The following H3-5 variants were observed in gnomAD, a reference collection of about 807,000 sequenced individuals.
The protein encoded by H3-5 is histone H3.3C.
A neutral mutation model predicts 8.8 loss-of-function variants in H3-5; 9 were observed. That is an observed-to-expected ratio of 1.03 (90% CI 0.62 to 1.79). H3-5 has a LOEUF of 1.79. Ranked by LOEUF, H3-5 falls within the 40% of genes most tolerant of loss-of-function variation. The probability of loss-of-function intolerance (pLI) is 0.00; values close to 1 mark genes in which losing one functional copy is unlikely to be tolerated. For synonymous variants in H3-5, 82 were observed against 76.1 expected, an observed-to-expected ratio of 1.08 and a Z score of -0.40; for missense variants, 173 against 183.8, an observed-to-expected ratio of 0.94 and a Z score of 0.34.
Position 31,791,710 on chromosome 12 carries a change from A to C in H3-5, c.*49T>G. 1 of 1,587,040 alleles carries C rather than the reference A, an allele frequency of 6.3e-7. No homozygotes were observed. On this transcript the variant is annotated 3_prime_UTR_variant, in exon 1 of 1. Coordinates refer to ENST00000340398, the MANE Select transcript of H3-5 (RefSeq NM_001013699.3). ...TACAAAAAAAGTCACCAATTAAACC[A>C]AAGTATTTTACAGAATTTACTACAA... is the stretch of plus-strand genomic sequence containing the variant.
At position 31,792,065 on chromosome 12, in the gene H3-5, G is replaced by A. The variant is rs7302165; in HGVS notation, c.102C>T (p.Cys34=). Residue 34 remains cysteine, a synonymous_variant, in exon 1 of 1, where the codon TGC becomes TGT. Transcript: ENST00000340398. ...GCCTGTAGCGATGAGGCTTCACCCCGCAGGTAGAGGGGGTGCTTTTCCTGG... is the reference window on the plus strand; with the variant it reads ...GCCTGTAGCGATGAGGCTTCACCCCACAGGTAGAGGGGGTGCTTTTCCTGG... ...KAARKSTPST[C]GVKPHRYRPG... is the part of the protein sequence containing the mutation. 4,601 of 1,614,128 alleles carry A rather than the reference G, an allele frequency of 2.9e-3. 126 individuals carry two copies. In the African/African-American group the frequency reaches 0.054, roughly 19 times the overall value.
rs1940970992 is a variant in H3-5 at position 31,791,306 on chromosome 12, A to G, written c.*453T>C. ...TAATTTTTTTTTTTTAAAGGAAACT[A>G]TAAGTTACACTGTGGTTAAGGTTTG... On this transcript the variant is annotated 3_prime_UTR_variant, in exon 1 of 1. Transcript: ENST00000340398. 1 of 158,158 alleles carries G rather than the reference A, an allele frequency of 6.3e-6. No homozygotes were observed. Among genetic ancestry groups the G allele is most frequent in the African/African-American group, 2.4e-5 (1 of 41,664 alleles). 9.8% of individuals were successfully genotyped at this position (158,158 alleles called of 1,614,324 possible).
chr12:31,791,598 T>C lies in H3-5; in HGVS notation c.*161A>G. 1.2e-6 allele frequency: 1 copy of C among 858,054 alleles called. No individual in the cohort carries two copies. Among genetic ancestry groups the C allele is most frequent in the Non-Finnish European group, 1.8e-6 (1 of 555,418 alleles). 53.2% of individuals were successfully genotyped at this position (858,054 alleles called of 1,614,324 possible). On this transcript the variant is annotated 3_prime_UTR_variant, in exon 1 of 1. Transcript: ENST00000340398. ...TCCTGAGCAACAGTGCTGACATCACTGAGGTCTGTAAACAGTCACTTTTCG... is the reference window on the plus strand; with the variant it reads ...TCCTGAGCAACAGTGCTGACATCACCGAGGTCTGTAAACAGTCACTTTTCG...
rs765067610 is a variant in H3-5 at position 31,792,012 on chromosome 12, C to G, written c.155G>C (p.Arg52Pro). 6.2e-7 allele frequency: 1 copy of G among 1,614,192 alleles called. No individual in the cohort carries two copies. The change falls in exon 1 of 1, where the codon CGT (arginine) becomes CCT (proline). Residue 52 changes from arginine to proline, a missense_variant. Transcript: ENST00000340398. Reference sequence around the variant, plus strand: ...CAGCTCGGTCGACTTCTGATAACGACGAATCTCTCGAAGCGCCACGGTCCC... The same window carrying G: ...CAGCTCGGTCGACTTCTGATAACGAGGAATCTCTCGAAGCGCCACGGTCCC... ...RPGTVALREI[R>P]RYQKSTELLI...
At position 31,792,230 on chromosome 12, in the gene H3-5, C is replaced by G; in HGVS notation, c.-64G>C. On this transcript the variant is annotated 5_prime_UTR_variant, in exon 1 of 1. Transcript: ENST00000340398. ...CGACCTCCGCGCTGCTTCCGCTGCC[C>G]GAGGAAGAGCCGCAGTCGCGAGCGA... 1.9e-6 allele frequency: 3 copies of G among 1,556,572 alleles called. No individual in the cohort carries two copies. In the South Asian group the frequency reaches 3.6e-5, roughly 19 times the overall value.
chr12:31,791,884 C>T lies in H3-5; in HGVS notation c.283G>A (p.Ala95Thr), dbSNP rs1940978509. The change falls in exon 1 of 1, where the codon GCT becomes ACT. Residue 95 changes from alanine to threonine, a missense_variant. Transcript: ENST00000340398. ...AGACCCACCAGGTACGCTTCGCTAG[C>T]CTCCTGCAGCGCACCGACGGCTGCG... is the stretch of plus-strand genomic sequence containing the variant. ...QSAAVGALQE[A>T]SEAYLVGLLE... The T allele has an allele frequency of 8.1e-6, 13 of 1,614,080 alleles. No individual in the cohort carries two copies. Among genetic ancestry groups the T allele is most frequent in the Admixed American group, 1.7e-5 (1 of 59,994 alleles).
At position 31,791,554 on chromosome 12, in the gene H3-5, C is replaced by T; in HGVS notation, c.*205G>A. Reference sequence around the variant, plus strand: ...CAAGAAATATCACGCATCCGTTTTGCATATTAACAACTTGTCACTCCTGAG... The same window carrying T: ...CAAGAAATATCACGCATCCGTTTTGTATATTAACAACTTGTCACTCCTGAG... On this transcript the variant is annotated 3_prime_UTR_variant, in exon 1 of 1. Coordinates refer to ENST00000340398, the MANE Select transcript of H3-5 (RefSeq NM_001013699.3). 1.6e-6 allele frequency: 1 copy of T among 628,728 alleles called. No individual in the cohort carries two copies. The highest frequency in any genetic ancestry group is 2.7e-6 in the Non-Finnish European group (1 of 363,882). 38.9% of individuals were successfully genotyped at this position (628,728 alleles called of 1,614,324 possible). A position where few individuals can be genotyped will look rare whatever the true frequency, so the allele number is the denominator to read the frequency against.
At position 31,791,395 on chromosome 12, in the gene H3-5, CAATTGTTA is replaced by C. The variant is rs573769421; in HGVS notation, c.*356_*363del. 1.2e-4 allele frequency: 31 copies of C among 268,848 alleles called. No homozygotes were observed. In the East Asian group the frequency reaches 1.3e-3, roughly 11 times the overall value. The allele number at this position is 268,848 out of a possible 1,614,324, so 16.7% of individuals were successfully genotyped here. On this transcript the variant is annotated 3_prime_UTR_variant, in exon 1 of 1. Coordinates refer to ENST00000340398, the MANE Select transcript of H3-5 (RefSeq NM_001013699.3). ...GATGTATGGTCAGACTTAACAGCCC[CAATTGTTA>C]AACACTTGGATCAAGTCATAACCAG... is the stretch of plus-strand genomic sequence containing the variant.
Position 31,791,298 on chromosome 12 carries a change from A to C in H3-5, c.*461T>G, listed in dbSNP as rs1940970943. The stretch of plus-strand genomic sequence containing the variant: ...GCCAGGTTTAATTTTTTTTTTTTAA[A>C]GGAAACTATAAGTTACACTGTGGTT... On this transcript the variant is annotated 3_prime_UTR_variant, in exon 1 of 1. Transcript: ENST00000340398. 6.4e-6 allele frequency: 1 copy of C among 156,292 alleles called. No individual in the cohort carries two copies. The highest frequency in any genetic ancestry group is 2.4e-5 in the African/African-American group (1 of 41,488). The allele number at this position is 156,292 out of a possible 1,614,324, so 9.7% of individuals were successfully genotyped here.
Position 31,791,942 on chromosome 12 carries a change from C to T in H3-5, c.225G>A (p.Ala75=), listed in dbSNP as rs2120396796. 4.3e-6 allele frequency: 7 copies of T among 1,614,166 alleles called. No homozygotes were observed. The highest frequency in any genetic ancestry group is 5.9e-6 in the Non-Finnish European group (7 of 1,180,034). The change falls in exon 1 of 1, where the codon GCG becomes GCA. Residue 75 remains alanine (A), a synonymous_variant. Transcript: ENST00000340398. ...ACCTCAGGTCAGTGTTGAAATCCTG[C>T]GCGATCTCCCTCACCAACCTCTGGA... ...LPFQRLVREI[A]QDFNTDLRFQ...
chr12:31,791,534 A>C lies in H3-5; in HGVS notation c.*225T>G, dbSNP rs907277126. 3.3e-6 allele frequency: 2 copies of C among 598,604 alleles called. No homozygotes were observed. The highest frequency in any genetic ancestry group is 5.9e-6 in the Non-Finnish European group (2 of 341,424). The allele number at this position is 598,604 out of a possible 1,614,324, so 37.1% of individuals were successfully genotyped here. A position where few individuals can be genotyped will look rare whatever the true frequency, so the allele number is the denominator to read the frequency against. On this transcript the variant is annotated 3_prime_UTR_variant, in exon 1 of 1. Coordinates refer to ENST00000340398, the MANE Select transcript of H3-5 (RefSeq NM_001013699.3). Reference sequence around the variant, plus strand: ...GAAACATGCATCATGAGAAGCAAGAAATATCACGCATCCGTTTTGCATATT... The same window carrying C: ...GAAACATGCATCATGAGAAGCAAGACATATCACGCATCCGTTTTGCATATT...
In H3-5 at chr12:31,791,983, T is replaced by C; in HGVS notation, c.184A>G (p.Ile62Val). Residue 62 changes from isoleucine to valine, a missense_variant, in exon 1 of 1, where the codon ATC becomes GTC. Coordinates refer to ENST00000340398, the MANE Select transcript of H3-5 (RefSeq NM_001013699.3). Reference protein sequence around the residue: ...RRYQKSTELLIRKLPFQRLVR... With the variant: ...RRYQKSTELLVRKLPFQRLVR... Reference sequence around the variant, plus strand: ...AACCTCTGGAAGGGCAGCTTCCGGATGAGCAGCTCGGTCGACTTCTGATAA... The same window carrying C: ...AACCTCTGGAAGGGCAGCTTCCGGACGAGCAGCTCGGTCGACTTCTGATAA... 2 of 1,614,164 alleles carry C rather than the reference T, an allele frequency of 1.2e-6. No homozygotes were observed. The highest frequency in any genetic ancestry group is 1.7e-6 in the Non-Finnish European group (2 of 1,180,022).
At position 31,792,160 on chromosome 12, in the gene H3-5, G is replaced by A. The variant is rs771332167; in HGVS notation, c.7C>T (p.Arg3Ter). Reference sequence around the variant, plus strand: ...GATTTACGAGCAGTCTGCTTGGTTCGGGCCATTTTCTTTCACCCAACGCCG... The same window carrying A: ...GATTTACGAGCAGTCTGCTTGGTTCAGGCCATTTTCTTTCACCCAACGCCG... MA[R>*]TKQTARKSTG... Residue 3 changes from arginine (R) to a stop codon, truncating the protein, a stop_gained, in exon 1 of 1, where the codon CGA becomes TGA. Transcript: ENST00000340398. LOFTEE classifies it high-confidence loss of function. The A allele has an allele frequency of 5.0e-6, 8 of 1,611,318 alleles. No homozygotes were observed. The highest frequency in any genetic ancestry group is 1.7e-5 in the Admixed American group (1 of 59,914).
In H3-5 at chr12:31,791,728, T is replaced by C. The variant is rs1314965080; in HGVS notation, c.*31A>G. 8.7e-6 allele frequency: 14 copies of C among 1,603,370 alleles called. No homozygotes were observed. The highest frequency in any genetic ancestry group is 1.3e-5 in the African/African-American group (1 of 74,458). On this transcript the variant is annotated 3_prime_UTR_variant, in exon 1 of 1. Coordinates refer to ENST00000340398, the MANE Select transcript of H3-5 (RefSeq NM_001013699.3). ...TTAAACCAAAGTATTTTACAGAATT[T>C]ACTACAAAATGCCATAAAAACTGCC...
rs765426567 is a variant in H3-5, at chr12:31,791,606, G to A, written c.*153C>T. On this transcript the variant is annotated 3_prime_UTR_variant, in exon 1 of 1. Transcript: ENST00000340398. ...AACAGTGCTGACATCACTGAGGTCT[G>A]TAAACAGTCACTTTTCGCATTCATC... 1.1e-4 allele frequency: 111 copies of A among 982,194 alleles called. No homozygotes were observed. The highest frequency in any genetic ancestry group is 1.8e-4 in the East Asian group (7 of 39,856). The allele number at this position is 982,194 out of a possible 1,614,324, so 60.8% of individuals were successfully genotyped here.
chr12:31,791,882 A>G lies in H3-5; in HGVS notation c.285T>C (p.Ala95=), dbSNP rs753848997. The G allele has an allele frequency of 1.2e-6, 2 of 1,614,130 alleles. No homozygotes were observed. The highest frequency in any genetic ancestry group is 1.7e-6 in the Non-Finnish European group (2 of 1,180,020). Residue 95 remains alanine, a synonymous_variant, in exon 1 of 1, where the codon GCT becomes GCC. Transcript: ENST00000340398. ...QSAAVGALQE[A]SEAYLVGLLE... ...ACAGACCCACCAGGTACGCTTCGCT[A>G]GCCTCCTGCAGCGCACCGACGGCTG...
At position 31,791,886 on chromosome 12, in the gene H3-5, T is replaced by G. The variant is rs1940978539; in HGVS notation, c.281A>C (p.Glu94Ala). The G allele has an allele frequency of 6.2e-7, 1 of 1,614,144 alleles. No homozygotes were observed. The highest frequency in any genetic ancestry group is 8.5e-7 in the Non-Finnish European group (1 of 1,180,020). Residue 94 changes from glutamate (E) to alanine (A), a missense_variant, in exon 1 of 1, where the codon GAG (glutamate) becomes GCG (alanine). By Grantham distance (107) the Glu-to-Ala change is moderately radical (BLOSUM62 -1). Coordinates refer to ENST00000340398, the MANE Select transcript of H3-5 (RefSeq NM_001013699.3). ...FQSAAVGALQ[E>A]ASEAYLVGLL... ...ACCCACCAGGTACGCTTCGCTAGCC[T>G]CCTGCAGCGCACCGACGGCTGCGCT...
At position 31,791,827 on chromosome 12, in the gene H3-5, C is replaced by G. The variant is rs749178306; in HGVS notation, c.340G>C (p.Ala114Pro). The G allele has an allele frequency of 3.1e-6, 5 of 1,614,026 alleles. No individual in the cohort carries two copies. In the African/African-American group the frequency reaches 6.7e-5, roughly 22 times the overall value. ...LEDTNLCAIH[A>P]KRVTIMPKDI... ...TTGGGCATGATGGTGACTCTCTTAG[C>G]GTGGATGGCACACAGGTTAGTATCT... is the stretch of plus-strand genomic sequence containing the variant. Residue 114 changes from alanine to proline, a missense_variant, in exon 1 of 1, where the codon GCT (alanine) becomes CCT (proline). Transcript: ENST00000340398.
Position 31,791,623 on chromosome 12 carries a change from G to C in H3-5, c.*136C>G. ...TGAGGTCTGTAAACAGTCACTTTTC[G>C]CATTCATCCTGAGTGAAAGATGGAA... On this transcript the variant is annotated 3_prime_UTR_variant, in exon 1 of 1. Coordinates refer to ENST00000340398, the MANE Select transcript of H3-5 (RefSeq NM_001013699.3). 3.5e-6 allele frequency: 4 copies of C among 1,145,064 alleles called. No individual in the cohort carries two copies. Among genetic ancestry groups the C allele is most frequent in the Non-Finnish European group, 5.0e-6 (4 of 801,898 alleles). 70.9% of individuals were successfully genotyped at this position (1,145,064 alleles called of 1,614,324 possible). A position where few individuals can be genotyped will look rare whatever the true frequency, so the allele number is the denominator to read the frequency against.
Sources: gnomAD v4.1 joint callset for allele counts on GRCh38, gnomAD v4.1.1 for gene constraint, MANE v1.5 for transcripts, NCBI Gene and HGNC (gene_info 2026-07-23, HGNC 2026-07-21) for gene names.